The following SEMA3E variants were observed in gnomAD, a reference collection of about 807,000 sequenced individuals.
SEMA3E encodes semaphorin 3E.
SEMA3E carries 49 observed loss-of-function variants against 93.6 expected under a neutral mutation model. That is an observed-to-expected ratio of 0.52 (90% CI 0.42 to 0.66). SEMA3E has a LOEUF of 0.66. Among genes scored for constraint, SEMA3E ranks in the 30% least tolerant of loss-of-function variants. The pLI is 0.00. For missense variants in SEMA3E, 906 were observed against 964.8 expected (o/e 0.94, Z 0.81); for synonymous variants, 363 against 330.7 (o/e 1.10, Z -1.06).
At chr7:83,382,349 G>A (rs975823494) in intron 16 of SEMA3E, among the ~76,000 whole-genome samples, 6 of 151,986 alleles carry the variant, frequency 3.9e-5, no homozygotes, top group African/African-American at 1.4e-4. Flanking sequence ...CACTGAATGT[G>A]AAACAGCACA....
Position 83,367,853 on chromosome 7 carries a change from C to T in SEMA3E, c.2061G>A (p.Glu687=), listed in dbSNP as rs779393235. 3.7e-6 allele frequency: 6 copies of T among 1,612,890 alleles called. No homozygotes were observed. The African/African-American group carries it at 6.7e-5, about 18-fold the overall frequency. ...KVEDMFNKDD[E]EDRHHRMPCP... ...AAGGCATCCTGTGATGCCTGTCCTC[C>T]TCATCGTCCTTGTTAAACATATCCT... The change falls in exon 17 of 17, where the codon GAG becomes GAA. Residue 687 remains glutamate (E), a synonymous_variant. Transcript: ENST00000643230.
chr7:83,634,127 A>C (rs1001488002), intron 1 of SEMA3E, among the ~76,000 whole-genome samples: 7 of 152,136 alleles, frequency 4.6e-5, no homozygotes, highest in Non-Finnish European at 1.0e-4. Flanking sequence ...ATATATTACT[A>C]TTACTATTTG....
chr7:83,442,922 A>C (rs1789147272), intron 4 of SEMA3E, among the ~76,000 whole-genome samples: 2 of 152,112 alleles, frequency 1.3e-5, no homozygotes, highest in African/African-American at 4.8e-5. Flanking sequence ...TTTCCAGTAC[A>C]TTGTAGCAAC....
chr7:83,521,117 T>G (rs1438875625), intron 1 of SEMA3E, among the ~76,000 whole-genome samples: 1 of 151,902 alleles, frequency 6.6e-6, no homozygotes, highest in East Asian at 1.9e-4. Flanking sequence ...TGTGTATAGA[T>G]GCACAAAATG....
chr7:83,477,778 AAAATT>A (rs1361687859), intron 2 of SEMA3E, among the ~76,000 whole-genome samples: 2 of 152,184 alleles, frequency 1.3e-5, no homozygotes, highest in East Asian at 1.9e-4. Flanking sequence ...TACTCGATAA[AAAATT>A]AAATTCTAAA....
At chr7:83,543,109 T>C (rs991711187) in intron 1 of SEMA3E, among the ~76,000 whole-genome samples, 7 of 152,074 alleles carry the variant, frequency 4.6e-5, no homozygotes, top group Non-Finnish European at 2.9e-5. Context: ...TTAAGTTCTT[T>C]TTATTATAGT....
At chr7:83,503,105 T>C (rs547279061) in intron 1 of SEMA3E, among the ~76,000 whole-genome samples, 3 of 151,898 alleles carry the variant, frequency 2.0e-5, no homozygotes, top group Non-Finnish European at 4.4e-5. Context: ...TTACGTTCTG[T>C]CAAGTGGGCA....
chr7:83,527,581 A>G (rs975789605), intron 1 of SEMA3E, among the ~76,000 whole-genome samples: 1 of 152,158 alleles, frequency 6.6e-6, no homozygotes, highest in African/African-American at 2.4e-5. Flanking sequence ...CCTCAGATAT[A>G]TATATTCAAA....
intron 2 of SEMA3E, among the ~76,000 whole-genome samples, chr7:83,485,761 G>C (rs1037674247): frequency 6.6e-6 from 1 of 151,998 alleles, no homozygotes; most frequent in Non-Finnish European, 1.5e-5. Context: ...CAGGGTGCAT[G>C]TGGAGGGAAA....
At chr7:83,432,596 T>C (rs891777176) in intron 4 of SEMA3E, among the ~76,000 whole-genome samples, 7 of 152,182 alleles carry the variant, frequency 4.6e-5, no homozygotes, top group African/African-American at 1.7e-4. Flanking sequence ...TGAAAACACA[T>C]ATATAGAGAT....
intron 1 of SEMA3E, among the ~76,000 whole-genome samples, chr7:83,515,901 C>T (rs1267288633): frequency 1.3e-5 from 2 of 152,138 alleles, no homozygotes; most frequent in African/African-American, 4.8e-5. Flanking sequence ...GTGGCGGGTG[C>T]CTGTAGTCCC....
At chr7:83,390,069 G>A (rs1340015137) in intron 14 of SEMA3E, among the ~76,000 whole-genome samples, 1,197 of 51,808 alleles carry the variant, frequency 0.023, 1 homozygote, top group South Asian at 0.037. Context: ...GCACATATAT[G>A]CGCGTATACG....
intron 1 of SEMA3E, among the ~76,000 whole-genome samples, chr7:83,504,427 C>T (rs1790654739): frequency 6.6e-6 from 1 of 152,126 alleles, no homozygotes; most frequent in Admixed American, 6.5e-5. Flanking sequence ...CAGACAATCA[C>T]CAAAATCTTA....
intron 1 of SEMA3E, among the ~76,000 whole-genome samples, chr7:83,524,293 T>C (rs1791108772): frequency 6.6e-6 from 1 of 152,126 alleles, no homozygotes; most frequent in African/African-American, 2.4e-5. Flanking sequence ...TCTCCAGTCT[T>C]CTTCAGCAGA....
In SEMA3E at chr7:83,633,078, G is replaced by A. The variant is rs571054515; in HGVS notation, c.115+15350C>T. ...GTTGTTGTTGTTGTTGAAATAAGAC[G>A]TAAAATGCTAAATCCATAGGTTGAT... On this transcript the variant is annotated intron_variant, in intron 1 of 16. Transcript: ENST00000643230. 7.9e-5 allele frequency among the ~76,000 whole-genome samples: 12 copies of A among 151,988 alleles called. No individual in the cohort carries two copies. The South Asian group carries it at 2.1e-3, about 26-fold the overall frequency.
At chr7:83,509,055 C>A (rs1294278223) in intron 1 of SEMA3E, among the ~76,000 whole-genome samples, 6 of 152,164 alleles carry the variant, frequency 3.9e-5, no homozygotes, top group Admixed American at 2.6e-4. Context: ...ATTTAATCCT[C>A]CCCTAGTTAC....
chr7:83,624,032 T>C (rs1793620021), intron 1 of SEMA3E, among the ~76,000 whole-genome samples: 1 of 152,200 alleles, frequency 6.6e-6, no homozygotes, highest in Admixed American at 6.5e-5. Context: ...GCTTCATCCA[T>C]GTCCCTGCAA....
At chr7:83,503,582 T>G (rs55986504) in intron 1 of SEMA3E, among the ~76,000 whole-genome samples, 5,291 of 152,252 alleles carry the variant, frequency 0.035, 110 homozygotes, top group African/African-American at 0.053. Context: ...TGTGCAAACA[T>G]CATGGAGTGT....
At chr7:83,615,653 A>C (rs1361188459) in intron 1 of SEMA3E, among the ~76,000 whole-genome samples, 1 of 152,108 alleles carries the variant, frequency 6.6e-6, no homozygotes, top group African/African-American at 2.4e-5. Context: ...ATTTTTTACT[A>C]CAGTTGGAAG....
Sources: gnomAD v4.1 joint callset for allele counts (sites outside exome capture counted in the v4.1 genomes callset) on GRCh38, gnomAD v4.1.1 for gene constraint, MANE v1.5 for transcripts, NCBI Gene and HGNC (gene_info 2026-07-23, HGNC 2026-07-21) for gene names.